Variants in SPATA16 observed in about 807,000 individuals in gnomAD.
The protein encoded by SPATA16 is spermatogenesis associated 16, also known as spermatogenesis-associated protein 16.
SPATA16 carries 36 observed loss-of-function variants against 63.3 expected under a neutral mutation model. The ratio of observed to expected loss-of-function variants is 0.57; its 90% confidence interval spans 0.44 to 0.75. SPATA16 has a LOEUF of 0.75. SPATA16 is among the 30% of genes least tolerant of loss of function. The pLI, the probability that SPATA16 is intolerant of heterozygous loss-of-function variation, is 0.00. For synonymous variants in SPATA16, 203 were observed against 216.7 expected, an observed-to-expected ratio of 0.94 and a Z score of 0.56; for missense variants, 646 against 679.3, an observed-to-expected ratio of 0.95 and a Z score of 0.54.
intron 4 of SPATA16, among the ~76,000 whole-genome samples, chr3:172,981,796 G>A (rs1435053533): frequency 6.6e-6 from 1 of 152,176 alleles, no homozygotes; most frequent in East Asian, 1.9e-4. Flanking sequence ...AGCATATTAT[G>A]GTCTGTGGGT....
chr3:173,100,361 A>AT (rs1021834419), intron 2 of SPATA16, among the ~76,000 whole-genome samples: 31 of 151,772 alleles, frequency 2.0e-4, no homozygotes, highest in African/African-American at 6.8e-4. Flanking sequence ...GCTTGGGTAT[A>AT]TTTTTTTTGG....
intron 3 of SPATA16, among the ~76,000 whole-genome samples, chr3:173,035,142 A>G (rs951930861): frequency 3.2e-4 from 49 of 152,176 alleles, no homozygotes; most frequent in Non-Finnish European, 8.8e-5. Flanking sequence ...ATTGGATACT[A>G]ACTGACTAGC....
At chr3:172,953,490 G>A (rs1733500874) in intron 6 of SPATA16, among the ~76,000 whole-genome samples, 1 of 152,200 alleles carries the variant, frequency 6.6e-6, no homozygotes, top group Non-Finnish European at 1.5e-5. Flanking sequence ...CTCAGAGAGT[G>A]GCTCTAGTTT....
chr3:173,127,865 A>G (rs1738268549), intron 1 of SPATA16, among the ~76,000 whole-genome samples: 1 of 152,206 alleles, frequency 6.6e-6, no homozygotes, highest in Admixed American at 6.5e-5. Flanking sequence ...CTGCTTCCTC[A>G]TCAAACTTTC....
At chr3:173,030,127 T>C (rs538421476) in intron 3 of SPATA16, among the ~76,000 whole-genome samples, 1 of 152,082 alleles carries the variant, frequency 6.6e-6, no homozygotes, top group South Asian at 2.1e-4. Flanking sequence ...CCTGTCTATC[T>C]ATATTCTGTC....
chr3:172,959,787 C>CATATAT (rs66806016), intron 5 of SPATA16, among the ~76,000 whole-genome samples: 2,070 of 135,332 alleles, frequency 0.015, 33 homozygotes, highest in African/African-American at 0.034. Flanking sequence ...AGTAATATAA[C>CATATAT]ATATATATAT....
intron 3 of SPATA16, among the ~76,000 whole-genome samples, chr3:173,043,758 T>C (rs1735899810): frequency 6.6e-6 from 1 of 152,084 alleles, no homozygotes; most frequent in Non-Finnish European, 1.5e-5. Context: ...TTCCTACAAG[T>C]TTCAATCTAT....
chr3:173,008,233 A>G (rs1236006270), intron 4 of SPATA16, among the ~76,000 whole-genome samples: 1 of 152,160 alleles, frequency 6.6e-6, no homozygotes, highest in African/African-American at 2.4e-5. Flanking sequence ...AGTTTGCCGA[A>G]TGACCAGTTT....
intron 3 of SPATA16, among the ~76,000 whole-genome samples, chr3:173,037,014 A>G (rs1286937645): frequency 6.6e-6 from 1 of 152,012 alleles, no homozygotes. Flanking sequence ...GGGATCTTTA[A>G]TAATGTTTAA....
In SPATA16 at chr3:172,994,941, T is replaced by A. The variant is rs1356509193; in HGVS notation, c.849-17889A>T. Among the ~76,000 whole-genome samples, 8 of 152,078 alleles carry A rather than the reference T, an allele frequency of 5.3e-5. 1 individual carries two copies. Among genetic ancestry groups the A allele is most frequent in the Non-Finnish European group, 1.5e-5 (1 of 67,994 alleles). On this transcript the variant is annotated intron_variant, in intron 4 of 10. Coordinates refer to ENST00000351008, the MANE Select transcript of SPATA16 (RefSeq NM_031955.6). ...ATTTAAGTTTAGAACATGTTTTGCT[T>A]GAAATGCCTGTAATACAGCCAAATG... is the stretch of plus-strand genomic sequence containing the variant.
intron 4 of SPATA16, among the ~76,000 whole-genome samples, chr3:172,997,881 C>T (rs1734726010): frequency 6.6e-6 from 1 of 152,088 alleles, no homozygotes; most frequent in Non-Finnish European, 1.5e-5. Context: ...ATTGCTTTGG[C>T]TCTTTCGGAT....
chr3:173,064,652 A>G (rs1736472386), intron 2 of SPATA16, among the ~76,000 whole-genome samples: 1 of 152,164 alleles, frequency 6.6e-6, no homozygotes, highest in Non-Finnish European at 1.5e-5. Flanking sequence ...ACAACAGCAG[A>G]TGTATGCTTT....
intron 6 of SPATA16, among the ~76,000 whole-genome samples, chr3:172,952,260 C>T (rs1434970241): frequency 6.6e-6 from 1 of 152,066 alleles, no homozygotes; most frequent in Non-Finnish European, 1.5e-5. Context: ...ACTGTAGATG[C>T]AGTAGGAAGC....
intron 6 of SPATA16, among the ~76,000 whole-genome samples, chr3:172,926,125 T>C (rs1732727710): frequency 6.6e-6 from 1 of 152,032 alleles, no homozygotes; most frequent in East Asian, 1.9e-4. Context: ...TGCGCTCAGC[T>C]GAGAATTTGA....
intron 2 of SPATA16, among the ~76,000 whole-genome samples, chr3:173,065,858 T>A (rs949126873): frequency 1.3e-5 from 2 of 151,712 alleles, no homozygotes; most frequent in Admixed American, 6.6e-5. Flanking sequence ...CCAGCTGTTT[T>A]ATTTACCAGC....
intron 3 of SPATA16, among the ~76,000 whole-genome samples, chr3:173,031,968 T>A (rs181953234): frequency 6.6e-6 from 1 of 152,212 alleles, no homozygotes; most frequent in Admixed American, 6.5e-5. Flanking sequence ...AGAAAATTAC[T>A]GTAGATTATT....
chr3:173,079,054 T>A (rs1736870966), intron 2 of SPATA16, among the ~76,000 whole-genome samples: 1 of 152,144 alleles, frequency 6.6e-6, no homozygotes. Flanking sequence ...AAAATGTGTT[T>A]ATTGTCAATG....
At chr3:172,928,386 A>G (rs187854526) in intron 6 of SPATA16, among the ~76,000 whole-genome samples, 168 of 152,350 alleles carry the variant, frequency 1.1e-3, no homozygotes, top group Non-Finnish European at 1.9e-3. Context: ...TTTGCAAGCG[A>G]ATACTATTTT....
intron 4 of SPATA16, among the ~76,000 whole-genome samples, chr3:172,984,221 C>T (rs1291485765): frequency 6.6e-6 from 1 of 152,162 alleles, no homozygotes; most frequent in Non-Finnish European, 1.5e-5. Context: ...CTCAATGGCA[C>T]AGGATATCTT....
Sources: gnomAD v4.1 joint callset for allele counts (sites outside exome capture counted in the v4.1 genomes callset) on GRCh38, gnomAD v4.1.1 for gene constraint, MANE v1.5 for transcripts, NCBI Gene and HGNC (gene_info 2026-07-23, HGNC 2026-07-21) for gene names.